The following PTPRC variants were observed in gnomAD, a reference collection of about 807,000 sequenced individuals.
PTPRC encodes the protein protein tyrosine phosphatase receptor type C, also known as receptor-type tyrosine-protein phosphatase C.
PTPRC carries 44 observed loss-of-function variants against 155.9 expected under a neutral mutation model. That is an observed-to-expected ratio of 0.28 (90% CI 0.22 to 0.36). The LOEUF (loss-of-function observed/expected upper bound fraction) is 0.36, where lower values mean the gene tolerates loss of function less well. PTPRC is among the 10% of genes least tolerant of loss of function. PTPRC has a pLI of 1.00. For synonymous variants in PTPRC, 525 were observed against 533.1 expected, an observed-to-expected ratio of 0.98 and a Z score of 0.21; for missense variants, 1,401 against 1,564.6, an observed-to-expected ratio of 0.90 and a Z score of 1.76.
At chr1:198,749,965 A>T (rs1655304664) in intron 28 of PTPRC, among the ~76,000 whole-genome samples, 1 of 151,890 alleles carries the variant, frequency 6.6e-6, no homozygotes. Context: ...TCTGTGTCAT[A>T]TCCCCCCACT....
At chr1:198,694,962 T>TA (rs1666122585) in intron 3 of PTPRC, 1 of 981,014 alleles carries the variant, frequency 1.0e-6, no homozygotes, top group Non-Finnish European at 1.2e-6. Context: ...ATTTGTGAGT[T>TA]ATTTGGTTAT....
intron 15 of PTPRC, among the ~76,000 whole-genome samples, chr1:198,725,789 A>G (rs900723000): frequency 2.6e-5 from 4 of 152,160 alleles, no homozygotes; most frequent in African/African-American, 9.7e-5. Flanking sequence ...ATTCACATTT[A>G]CTGCATATGT....
intron 2 of PTPRC, among the ~76,000 whole-genome samples, chr1:198,684,246 AATAT>A (rs892822615): frequency 3.0e-4 from 45 of 151,398 alleles, no homozygotes; most frequent in Admixed American, 3.3e-4. Flanking sequence ...ACATGCCTGA[AATAT>A]ATAACATGAT....
intron 5 of PTPRC, among the ~76,000 whole-genome samples, chr1:198,700,459 A>G (rs188316737): frequency 5.3e-5 from 8 of 152,328 alleles, no homozygotes; most frequent in Admixed American, 5.2e-4. Flanking sequence ...ATCAAATAGA[A>G]TAATTATTAT....
intron 2 of PTPRC, among the ~76,000 whole-genome samples, chr1:198,666,821 A>G (rs1260700756): frequency 6.6e-6 from 1 of 152,180 alleles, no homozygotes; most frequent in Admixed American, 6.5e-5. Flanking sequence ...GGATGAGTAT[A>G]AGATACCTCA....
intron 2 of PTPRC, among the ~76,000 whole-genome samples, chr1:198,653,638 G>T (rs1268834618): frequency 1.3e-5 from 2 of 151,724 alleles, no homozygotes; most frequent in Non-Finnish European, 2.9e-5. Flanking sequence ...GATTTTTGTG[G>T]AATCTTCGCT....
At chr1:198,750,759 C>G (rs937796070) in intron 29 of PTPRC, 133 bp downstream of exon 29, 2 of 1,182,188 alleles carry the variant, frequency 1.7e-6, no homozygotes, top group African/African-American at 3.0e-5. Flanking sequence ...TCTGCTCAGT[C>G]TTACCCCTTT....
intron 25 of PTPRC, among the ~76,000 whole-genome samples, chr1:198,743,529 A>C (rs1163254554): frequency 6.6e-6 from 1 of 151,858 alleles, no homozygotes; most frequent in Non-Finnish European, 1.5e-5. Context: ...GGATTCAAAC[A>C]AAATAAGCAG....
At chr1:198,664,348 G>A (rs1664153593) in intron 2 of PTPRC, among the ~76,000 whole-genome samples, 1 of 152,052 alleles carries the variant, frequency 6.6e-6, no homozygotes, top group Non-Finnish European at 1.5e-5. Flanking sequence ...GAATTATTTC[G>A]GTAGCAAGAA....
chr1:198,737,721 A>G (rs1321736608), intron 23 of PTPRC, among the ~76,000 whole-genome samples: 2 of 151,704 alleles, frequency 1.3e-5, no homozygotes, highest in African/African-American at 4.8e-5. Context: ...TTTGATAGAT[A>G]TTGCATTGAA....
Position 198,681,105 on chromosome 1 carries a change from T to G in PTPRC, c.74-11242T>G, listed in dbSNP as rs182170288. ...TAAAGATAGAGAAACCATTTTCTGATGTACAAAGGGATGAAGAGCTGGCCC... is the reference window on the plus strand; with the variant it reads ...TAAAGATAGAGAAACCATTTTCTGAGGTACAAAGGGATGAAGAGCTGGCCC... On this transcript the variant is annotated intron_variant, in intron 2 of 32. Coordinates refer to ENST00000442510, the MANE Select transcript of PTPRC (RefSeq NM_002838.5). Among the ~76,000 whole-genome samples the G allele has an allele frequency of 2.4e-3, 362 of 152,196 alleles. 4 individuals carry two copies. Among genetic ancestry groups the G allele is most frequent in the Admixed American group, 0.019 (294 of 15,280 alleles).
chr1:198,734,311 A>G lies in PTPRC; in HGVS notation c.2180-17A>G. On this transcript the variant is annotated splice_polypyrimidine_tract_variant and intron_variant, in intron 21 of 32. Transcript: ENST00000442510. ...AAGAAAATTTTTCTTATCAGCTTTT[A>G]TTTGTTTACCTCCTAGGTCCCAGGG... is the stretch of plus-strand genomic sequence containing the variant. 1.9e-6 allele frequency: 3 copies of G among 1,610,738 alleles called. No homozygotes were observed. The highest frequency in any genetic ancestry group is 2.5e-6 in the Non-Finnish European group (3 of 1,177,628).
intron 2 of PTPRC, among the ~76,000 whole-genome samples, chr1:198,685,349 C>T (rs998632184): frequency 6.6e-5 from 10 of 151,816 alleles, no homozygotes; most frequent in Admixed American, 5.3e-4. Context: ...AATGCTAACT[C>T]ATTGGCTTAC....
chr1:198,682,843 C>T (rs1411437634), intron 2 of PTPRC, among the ~76,000 whole-genome samples: 3 of 152,032 alleles, frequency 2.0e-5, no homozygotes, highest in African/African-American at 7.2e-5. Flanking sequence ...AAGAATCTAC[C>T]CCTTTTGTAG....
chr1:198,668,984 G>A (rs918770585), intron 2 of PTPRC, among the ~76,000 whole-genome samples: 9 of 152,110 alleles, frequency 5.9e-5, no homozygotes, highest in Non-Finnish European at 8.8e-5. Context: ...GTAACATATA[G>A]GCTCAAACAT....
intron 26 of PTPRC, among the ~76,000 whole-genome samples, chr1:198,747,563 T>G (rs145067224): frequency 6.6e-6 from 1 of 151,880 alleles, no homozygotes; most frequent in Non-Finnish European, 1.5e-5. Flanking sequence ...AAGCGAGAAA[T>G]GAAGGCAGAC....
Position 198,728,392 on chromosome 1 carries a change from A to G in PTPRC, c.1773A>G (p.Ser591=), listed in dbSNP as rs1362396958. Residue 591 remains serine, a synonymous_variant, in exon 16 of 33, where the codon TCA becomes TCG. Coordinates refer to ENST00000442510, the MANE Select transcript of PTPRC (RefSeq NM_002838.5). ...AFLAFLIIVT[S]IALLVVLYKI... ...TGGCATTTCTGATTATTGTGACATC[A>G]ATAGCCCTGCTTGTTGTTCTCTACA... 1 of 1,613,148 alleles carries G rather than the reference A, an allele frequency of 6.2e-7. No individual in the cohort carries two copies. Among genetic ancestry groups the G allele is most frequent in the East Asian group, 2.2e-5 (1 of 44,742 alleles).
chr1:198,639,409 A>T, intron 2 of PTPRC, 68 bp downstream of exon 2: 1 of 1,255,088 alleles, frequency 8.0e-7, no homozygotes, highest in Admixed American at 1.8e-5. Flanking sequence ...TGAAATAGAC[A>T]TAAAAATAAT....
chr1:198,664,453 A>G (rs1432387774), intron 2 of PTPRC, among the ~76,000 whole-genome samples: 1 of 152,178 alleles, frequency 6.6e-6, no homozygotes, highest in Non-Finnish European at 1.5e-5. Context: ...GTAAGTTTGT[A>G]GCAATCTTAT....
Sources: gnomAD v4.1 joint callset for allele counts (sites outside exome capture counted in the v4.1 genomes callset) on GRCh38, gnomAD v4.1.1 for gene constraint, MANE v1.5 for transcripts, NCBI Gene and HGNC (gene_info 2026-07-23, HGNC 2026-07-21) for gene names.